NRG1: variants seen among roughly 807,000 people sequenced by gnomAD.
NRG1 encodes pro-neuregulin-1, membrane-bound isoform.
Under a neutral mutation model 63.8 loss-of-function variants are expected in NRG1, and 18 were observed. The observed-to-expected ratio is 0.28, with a 90% CI of 0.19 to 0.42. The LOEUF (loss-of-function observed/expected upper bound fraction) is 0.42, where lower values mean the gene tolerates loss of function less well. NRG1 is among the 10% of genes least tolerant of loss of function. The pLI is 1.00. For synonymous variants in NRG1, 302 were observed against 301.3 expected, an observed-to-expected ratio of 1.00 and a Z score of -0.02; for missense variants, 762 against 814.7, an observed-to-expected ratio of 0.94 and a Z score of 0.79.
intron 5 of NRG1, chr8:32,722,127 A>G (rs1250080356): frequency 1.7e-6 from 2 of 1,156,994 alleles, no homozygotes; most frequent in Non-Finnish European, 2.5e-6. Flanking sequence ...TATTAAGCAA[A>G]TGGCGTAGAG....
At chr8:32,587,649 G>A (rs1195962637) in intron 1 of NRG1, among the ~76,000 whole-genome samples, 1 of 152,146 alleles carries the variant, frequency 6.6e-6, no homozygotes, top group Non-Finnish European at 1.5e-5. Context: ...GCATCTTCCA[G>A]ATTCTTCCTC....
At chr8:32,002,409 G>C (rs1012326577) in intron 1 of NRG1, among the ~76,000 whole-genome samples, 1 of 151,912 alleles carries the variant, frequency 6.6e-6, no homozygotes, top group Middle Eastern at 3.2e-3. Flanking sequence ...TAGGCTTATG[G>C]ATATTCATTT....
intron 7 of NRG1, among the ~76,000 whole-genome samples, chr8:32,752,465 C>T (rs1400454273): frequency 6.6e-6 from 1 of 152,134 alleles, no homozygotes; most frequent in Non-Finnish European, 1.5e-5. Flanking sequence ...ATTGTTTCAC[C>T]GCAATGCACC....
chr8:32,468,015 C>T (rs1054409147), intron 1 of NRG1, among the ~76,000 whole-genome samples: 7 of 152,178 alleles, frequency 4.6e-5, no homozygotes, highest in South Asian at 2.1e-4. Flanking sequence ...CAGTCACCTA[C>T]GAGCAGGCGA....
intron 1 of NRG1, among the ~76,000 whole-genome samples, chr8:32,335,983 C>G (rs780560179): frequency 4.5e-4 from 67 of 148,474 alleles, no homozygotes; most frequent in Non-Finnish European, 7.5e-4. Context: ...TCACTCTCCA[C>G]CCACCCACAC....
intron 1 of NRG1, among the ~76,000 whole-genome samples, chr8:32,169,898 G>T (rs983914013): frequency 6.6e-6 from 1 of 152,186 alleles, no homozygotes; most frequent in Non-Finnish European, 1.5e-5. Context: ...AGGGGAATTA[G>T]TAAAGATGAG....
At chr8:32,184,640 A>G (rs1307038162) in intron 1 of NRG1, among the ~76,000 whole-genome samples, 1 of 152,070 alleles carries the variant, frequency 6.6e-6, no homozygotes, top group East Asian at 1.9e-4. Context: ...TTGAACAAAT[A>G]TGTAGTAGAG....
chr8:32,711,828 C>T (rs1223836208), intron 5 of NRG1, among the ~76,000 whole-genome samples: 1 of 152,072 alleles, frequency 6.6e-6, no homozygotes, highest in East Asian at 1.9e-4. Flanking sequence ...ATGTTTTACT[C>T]TCAGCTGTAT....
At chr8:32,647,524 C>A in intron 5 of NRG1, 1 of 985,370 alleles carries the variant, frequency 1.0e-6, no homozygotes, top group Non-Finnish European at 1.2e-6. Context: ...TTACGATATA[C>A]TTTGATTTTG....
At chr8:32,447,640 G>A (rs1820430160) in intron 1 of NRG1, among the ~76,000 whole-genome samples, 1 of 152,138 alleles carries the variant, frequency 6.6e-6, no homozygotes, top group South Asian at 2.1e-4. Flanking sequence ...AAGTTGAGGA[G>A]AGAGGATCGC....
intron 1 of NRG1, among the ~76,000 whole-genome samples, chr8:32,077,726 A>G (rs1291271210): frequency 6.6e-6 from 1 of 152,216 alleles, no homozygotes; most frequent in Non-Finnish European, 1.5e-5. Flanking sequence ...AGCCTAATAC[A>G]GGTGCTATAC....
At chr8:32,027,054 C>G (rs1014678885) in intron 1 of NRG1, among the ~76,000 whole-genome samples, 1 of 152,038 alleles carries the variant, frequency 6.6e-6, no homozygotes, top group Non-Finnish European at 1.5e-5. Flanking sequence ...TATCGGTACT[C>G]TCCTTTATCA....
intron 1 of NRG1, among the ~76,000 whole-genome samples, chr8:32,508,295 A>AT (rs34620334): frequency 4.3e-4 from 63 of 145,458 alleles, no homozygotes; most frequent in East Asian, 1.0e-3. Flanking sequence ...TATAAGGGCC[A>AT]TTTTTTTTTT....
rs202206585 is a variant in NRG1, at chr8:32,222,034, T to TAC, written c.38-373764_38-373763dup. 2.2e-3 allele frequency among the ~76,000 whole-genome samples: 333 copies of TAC among 148,692 alleles called. 1 individual carries two copies. Among genetic ancestry groups the TAC allele is most frequent in the Middle Eastern group, 6.8e-3 (2 of 292 alleles). ...TAAAGTGTCTATATGGAAACATACA[T>TAC]ACACACACACACACACACACACACA... On this transcript the variant is annotated intron_variant, in intron 1 of 10. Coordinates refer to the NRG1 transcript ENST00000519301.
intron 1 of NRG1, among the ~76,000 whole-genome samples, chr8:31,831,764 A>G (rs1388617863): frequency 1.3e-5 from 2 of 152,128 alleles, no homozygotes; most frequent in Admixed American, 6.5e-5. Flanking sequence ...AGCAAGTTTC[A>G]TCTTTATCAC....
chr8:32,417,799 A>G (rs941934510), intron 1 of NRG1, among the ~76,000 whole-genome samples: 3 of 152,086 alleles, frequency 2.0e-5, no homozygotes, highest in Non-Finnish European at 4.4e-5. Context: ...TTTTTGCAAA[A>G]ATACTTTGTG....
chr8:31,878,663 G>C (rs897083327), intron 1 of NRG1, among the ~76,000 whole-genome samples: 3 of 152,174 alleles, frequency 2.0e-5, no homozygotes, highest in Admixed American at 2.0e-4. Context: ...GGTGGCCAGA[G>C]CTGCAGTCTA....
At chr8:31,886,022 A>G (rs1312367681) in intron 1 of NRG1, among the ~76,000 whole-genome samples, 1 of 152,128 alleles carries the variant, frequency 6.6e-6, no homozygotes, top group Admixed American at 6.6e-5. Flanking sequence ...TCATTAGTAA[A>G]TATGATTTTT....
chr8:32,393,361 C>A (rs561615459), intron 1 of NRG1, among the ~76,000 whole-genome samples: 22 of 152,280 alleles, frequency 1.4e-4, no homozygotes, highest in African/African-American at 5.1e-4. Context: ...AACTACTACT[C>A]AACCCAGCAG....
Sources: allele counts gnomAD v4.1 joint callset (sites outside exome capture counted in the v4.1 genomes callset), GRCh38; gene constraint gnomAD v4.1.1; transcripts MANE v1.5; gene names NCBI Gene and HGNC (gene_info 2026-07-23, HGNC 2026-07-21).